SNX29: variants seen among roughly 807,000 people sequenced by gnomAD.
SNX29 encodes the protein sorting nexin 29.
SNX29 carries 78 observed loss-of-function variants against 102.1 expected under a neutral mutation model. The ratio of observed to expected loss-of-function variants is 0.76; its 90% CI spans 0.64 to 0.92. The LOEUF is 0.92. SNX29 is among the 40% of genes least tolerant of loss of function. The pLI is 0.00. For missense variants in SNX29, 1,280 were observed against 1,061.7 expected (o/e 1.21, Z -2.86); for synonymous variants, 580 against 414.5 (o/e 1.40, Z -4.85).
At chr16:12,133,246 TACTTA>T (rs1424792681) in intron 13 of SNX29, among the ~76,000 whole-genome samples, 1 of 151,560 alleles carries the variant, frequency 6.6e-6, no homozygotes, top group Non-Finnish European at 1.5e-5. Context: ...TTGGATGAAT[TACTTA>T]ACTTCTCTGT....
intron 14 of SNX29, among the ~76,000 whole-genome samples, chr16:12,250,920 G>A (rs1011660715): frequency 2.6e-5 from 4 of 152,244 alleles, no homozygotes; most frequent in African/African-American, 9.6e-5. Flanking sequence ...CCCCGGTACT[G>A]CAGTTACTCC....
chr16:12,039,739 G>A (rs1207690974), intron 4 of SNX29, among the ~76,000 whole-genome samples: 1 of 152,198 alleles, frequency 6.6e-6, no homozygotes, highest in Non-Finnish European at 1.5e-5. Context: ...AGAAGGCCAA[G>A]TCCCCTCATT....
chr16:12,013,765 C>T (rs1428907033), intron 3 of SNX29, among the ~76,000 whole-genome samples: 2 of 151,138 alleles, frequency 1.3e-5, no homozygotes, highest in Non-Finnish European at 2.9e-5. Flanking sequence ...CTGTCTCAGC[C>T]TCCCGAGTAG....
At chr16:11,995,309 G>A (rs566188962) in intron 1 of SNX29, among the ~76,000 whole-genome samples, 10 of 152,162 alleles carry the variant, frequency 6.6e-5, no homozygotes, top group East Asian at 1.9e-4. Flanking sequence ...CATGTGATCC[G>A]TCCGCTTTGG....
At chr16:12,563,566 C>G (rs889929579) in intron 20 of SNX29, among the ~76,000 whole-genome samples, 1 of 152,098 alleles carries the variant, frequency 6.6e-6, no homozygotes, top group African/African-American at 2.4e-5. Context: ...TCTACCCCAC[C>G]CCTTTGGGTG....
chr16:12,183,414 C>CT (rs879759950), intron 13 of SNX29, among the ~76,000 whole-genome samples: 98 of 149,412 alleles, frequency 6.6e-4, no homozygotes, highest in African/African-American at 1.2e-3. Context: ...GATTTACCAA[C>CT]TTTTTTTTTT....
intron 13 of SNX29, among the ~76,000 whole-genome samples, chr16:12,182,102 G>A (rs554256967): frequency 6.6e-6 from 1 of 151,398 alleles, no homozygotes; most frequent in East Asian, 1.9e-4. Context: ...GACCAGACTG[G>A]TCTTGAACTC....
intron 15 of SNX29, among the ~76,000 whole-genome samples, chr16:12,318,257 T>C (rs1209244812): frequency 6.6e-6 from 1 of 152,212 alleles, no homozygotes; most frequent in African/African-American, 2.4e-5. Flanking sequence ...CAGCAGGCCT[T>C]TGTTGAACCG....
At chr16:12,285,605 A>G (rs1389164062) in intron 15 of SNX29, among the ~76,000 whole-genome samples, 2 of 152,346 alleles carry the variant, frequency 1.3e-5, no homozygotes, top group Admixed American at 1.3e-4. Flanking sequence ...TCATTTTAAT[A>G]AAGTGTAAAA....
At chr16:12,026,274 C>T (rs2151113679) in intron 3 of SNX29, among the ~76,000 whole-genome samples, 1 of 152,334 alleles carries the variant, frequency 6.6e-6, no homozygotes. Context: ...GCCATCTCAT[C>T]CTGTCTTATT....
chr16:12,350,032 C>T (rs919651853), intron 15 of SNX29, among the ~76,000 whole-genome samples: 2 of 152,236 alleles, frequency 1.3e-5, no homozygotes, highest in Non-Finnish European at 2.9e-5. Context: ...TTCTTTCCTC[C>T]TCTGATGTTA....
intron 19 of SNX29, among the ~76,000 whole-genome samples, chr16:12,486,621 GTCGGCTGTAGAGGA>G (rs1385580852): frequency 2.0e-5 from 3 of 152,224 alleles, no homozygotes; most frequent in Non-Finnish European, 2.9e-5. Context: ...CCACAAGAAG[GTCGGCTGTAGAGGA>G]TCCTGGAGGC....
chr16:12,401,014 G>C (rs1037204538), intron 17 of SNX29, among the ~76,000 whole-genome samples: 4 of 152,106 alleles, frequency 2.6e-5, no homozygotes, highest in Non-Finnish European at 5.9e-5. Flanking sequence ...GTATTTTTTA[G>C]TAGAGACAGG....
At chr16:12,524,636 C>G (rs572583444) in intron 19 of SNX29, 66 bp from the exon 20 acceptor site, 7 of 1,562,002 alleles carry the variant, frequency 4.5e-6, no homozygotes, top group South Asian at 2.4e-5. Context: ...ATCGCCTGTT[C>G]TATAGGGTCA....
chr16:12,184,772 G>T (rs185398889), intron 13 of SNX29, among the ~76,000 whole-genome samples: 23 of 152,344 alleles, frequency 1.5e-4, no homozygotes. Context: ...GCATGGGCTG[G>T]AATGGAACAT....
chr16:12,185,214 G>T (rs1311502504), intron 13 of SNX29, among the ~76,000 whole-genome samples: 1 of 152,156 alleles, frequency 6.6e-6, no homozygotes, highest in Non-Finnish European at 1.5e-5. Flanking sequence ...GATAACGGAA[G>T]TGAATAAATC....
rs2079113232 is a variant in SNX29, at chr16:12,568,601, A to C, written c.2414A>C (p.Asn805Thr). The C allele has an allele frequency of 1.9e-6, 3 of 1,605,444 alleles. No homozygotes were observed. Among genetic ancestry groups the C allele is most frequent in the African/African-American group, 1.3e-5 (1 of 75,000 alleles). Residue 805 changes from asparagine (N) to threonine (T), a missense_variant, in exon 21 of 21, where the codon AAC becomes ACC. Transcript: ENST00000566228. ...LSRGQPRETR[N>T]VEPQSGDL ...CGGGGTCAGCCCCGGGAGACCCGCA[A>C]CGTGGAGCCCCAGAGCGGTGACCTC...
chr16:12,138,772 T>C (rs927475260), intron 13 of SNX29, among the ~76,000 whole-genome samples: 2 of 152,168 alleles, frequency 1.3e-5, no homozygotes, highest in African/African-American at 4.8e-5. Flanking sequence ...GTTGCTGTAG[T>C]GGACATGGTA....
At chr16:12,364,217 T>TGTTATGTTA (rs1567481923) in intron 16 of SNX29, among the ~76,000 whole-genome samples, 44 of 149,184 alleles carry the variant, frequency 2.9e-4, no homozygotes, top group African/African-American at 1.0e-3. Context: ...TGTTATGTTA[T>TGTTATGTTA]TTTTGTAGAG....
Sources: allele counts gnomAD v4.1 joint callset (sites outside exome capture counted in the v4.1 genomes callset), GRCh38; gene constraint gnomAD v4.1.1; transcripts MANE v1.5; gene names NCBI Gene and HGNC (gene_info 2026-07-23, HGNC 2026-07-21).